The following TTN variants were observed in gnomAD, a reference collection of about 807,000 sequenced individuals.
TTN encodes the protein titin, also known as connectin.
TTN carries 1,525 observed loss-of-function variants against 3,223.0 expected under a neutral mutation model. That is an observed-to-expected ratio of 0.47 (90% CI 0.45 to 0.49). The LOEUF is 0.49. TTN is among the 20% of genes least tolerant of loss of function. TTN has a pLI of 0.00. For synonymous variants in TTN, 14,094 were observed against 15,161.0 expected, an observed-to-expected ratio of 0.93 and a Z score of 5.17; for missense variants, 40,786 against 43,424.0, an observed-to-expected ratio of 0.94 and a Z score of 5.40.
Position 178,548,484 on chromosome 2 carries a change from T to A in TTN, c.93142A>T (p.Ile31048Phe). ...DAPLLDGGAR[I>F]HHYVVEKREA... ...CGTTTCTCTACCACATAATGATGGATTCGGGCACCACCGTCAAGAAGAGGG... is the reference window on the plus strand; with the variant it reads ...CGTTTCTCTACCACATAATGATGGAATCGGGCACCACCGTCAAGAAGAGGG... Residue 31048 changes from isoleucine to phenylalanine, a missense_variant, in exon 339 of 363, where the codon ATC becomes TTC. Transcript: ENST00000589042. The surrounding 1 kb of genome is among the most constrained non-coding windows in gnomAD (Gnocchi z 4.3). 6.2e-7 allele frequency: 1 copy of A among 1,613,884 alleles called. No homozygotes were observed. The highest frequency in any genetic ancestry group is 8.5e-7 in the Non-Finnish European group (1 of 1,179,804).
intron 219 of TTN, 135 bp from the exon 220 acceptor site, chr2:178,641,450 C>T (rs1029560407): frequency 3.5e-5 from 18 of 512,492 alleles, no homozygotes; most frequent in South Asian, 6.1e-5. Context: ...GGAAAGTAAG[C>T]ATTTACACCG....
At position 178,729,586 on chromosome 2, in the gene TTN, A is replaced by G; in HGVS notation, c.18590-20T>C. 1 of 1,612,268 alleles carries G rather than the reference A, an allele frequency of 6.2e-7. No homozygotes were observed. The highest frequency in any genetic ancestry group is 1.7e-5 in the Admixed American group (1 of 59,662). On this transcript the variant is annotated intron_variant, in intron 63 of 362. Transcript: ENST00000589042. The stretch of plus-strand genomic sequence containing the variant: ...GGGGTTCTAAAGATTCAAAAGGAAG[A>G]CAGTAGCTTACTCAAGGGAAGACCC...
intron 136 of TTN, 96 bp from the exon 137 acceptor site, chr2:178,681,546 A>G (rs1211353983): frequency 2.1e-6 from 3 of 1,451,378 alleles, no homozygotes; most frequent in Non-Finnish European, 1.9e-6. Context: ...ACAACATAAT[A>G]TTCCCAAACA....
In TTN at chr2:178,593,390, T is replaced by C. The variant is rs766770134; in HGVS notation, c.58818A>G (p.Gly19606=). The change falls in exon 299 of 363, where the codon GGA becomes GGG. Residue 19606 remains glycine (G), a synonymous_variant. Transcript: ENST00000589042. ...GGATGTAGTTTGTGATGGGTTTTCC[T>C]CCATCATGTGGCTTATTCCAGGTTA... ...ALVTWNKPHD[G]GKPITNYILE... is the part of the protein sequence containing the mutation. 6 of 1,613,236 alleles carry C rather than the reference T, an allele frequency of 3.7e-6. No individual in the cohort carries two copies. The highest frequency in any genetic ancestry group is 5.1e-6 in the Non-Finnish European group (6 of 1,179,562).
At position 178,634,314 on chromosome 2, in the gene TTN, CAT is replaced by C. The variant is rs1367053898; in HGVS notation, c.42415+50_42415+51del. The C allele has an allele frequency of 1.1e-5, 18 of 1,567,754 alleles. No homozygotes were observed. Among genetic ancestry groups the C allele is most frequent in the Non-Finnish European group, 1.5e-5 (17 of 1,166,742 alleles). ...GAACTTGGCGTCCTATCTTTAAAGT[CAT>C]ATATTTGCATGCCTTTATGGGATGT... On this transcript the variant is annotated intron_variant, in intron 230 of 362. Coordinates refer to ENST00000589042, the MANE Select transcript of TTN (RefSeq NM_001267550.2). The surrounding 1 kb of genome is among the most constrained non-coding windows in gnomAD (Gnocchi z 4.6).
intron 109 of TTN, among the ~76,000 whole-genome samples, 178 bp from the exon 110 acceptor site, chr2:178,701,765 G>A (rs1172041979): frequency 6.6e-6 from 1 of 152,128 alleles, no homozygotes; most frequent in African/African-American, 2.4e-5. Flanking sequence ...GGTAAGTTTT[G>A]TTCACTGTCA....
In TTN at chr2:178,735,825, C is replaced by A; in HGVS notation, c.14621G>T (p.Gly4874Val). 6.2e-7 allele frequency: 1 copy of A among 1,613,664 alleles called. No homozygotes were observed. The highest frequency in any genetic ancestry group is 8.5e-7 in the Non-Finnish European group (1 of 1,179,788). The part of the protein sequence containing the change: ...VYSCKASNKF[G>V]ADICQAELII... ...CAACTCTGCTTGGCAGATGTCTGCTCCAAACTTGTTGGAAGCCTTACAAGA... is the reference window on the plus strand; with the variant it reads ...CAACTCTGCTTGGCAGATGTCTGCTACAAACTTGTTGGAAGCCTTACAAGA... The change falls in exon 50 of 363, where the codon GGA becomes GTA. Residue 4874 changes from glycine (G) to valine (V), a missense_variant. Gly to Val is a moderately radical substitution (Grantham distance 109). Coordinates refer to ENST00000589042, the MANE Select transcript of TTN (RefSeq NM_001267550.2).
At position 178,756,772 on chromosome 2, in the gene TTN, A is replaced by C; in HGVS notation, c.10704T>G (p.Ser3568=). 1 of 1,613,776 alleles carries C rather than the reference A, an allele frequency of 6.2e-7. No individual in the cohort carries two copies. The highest frequency in any genetic ancestry group is 8.5e-7 in the Non-Finnish European group (1 of 1,179,764). Residue 3568 remains serine (S), a synonymous_variant, in exon 46 of 363, where the codon TCT becomes TCG. Transcript: ENST00000589042. ...PKVQALDRQS[S]GKDVRESTKS... Reference sequence around the variant, plus strand: ...TGGTGGACTCTCTTACATCTTTCCCAGAACTTTGCCTATCTAGGGCTTGCA... The same window carrying C: ...TGGTGGACTCTCTTACATCTTTCCCCGAACTTTGCCTATCTAGGGCTTGCA...
chr2:178,649,757 T>C (rs2062623316), intron 211 of TTN, 60 bp downstream of exon 211: 4 of 1,570,510 alleles, frequency 2.5e-6, no homozygotes, highest in Admixed American at 1.7e-5. Flanking sequence ...CAACACACAA[T>C]AAGAAGAGTG....
In TTN at chr2:178,694,862, T is replaced by C; in HGVS notation, c.31315A>G (p.Arg10439Gly). Reference protein sequence around the residue: ...VIEKIEKTSRRMEEEKVQVTK... With the variant: ...VIEKIEKTSRGMEEEKVQVTK... Reference sequence around the variant, plus strand: ...ACTTGAACTTTTTCTTCCTCCATTCTTCGAGAAGTCTTTTCAATTTTTTCA... The same window carrying C: ...ACTTGAACTTTTTCTTCCTCCATTCCTCGAGAAGTCTTTTCAATTTTTTCA... Residue 10439 changes from arginine (R) to glycine (G), a missense_variant, in exon 116 of 363, where the codon AGA becomes GGA. Physicochemically the swap from Arg to Gly is moderately radical, Grantham distance 125. Transcript: ENST00000589042. 4 of 1,560,348 alleles carry C rather than the reference T, an allele frequency of 2.6e-6. No homozygotes were observed. The South Asian group carries it at 3.5e-5, about 14-fold the overall frequency.
In TTN at chr2:178,532,510, TGTG is replaced by T. The variant is rs1392539604; in HGVS notation, c.104102_104104del (p.Pro34701del). The T allele has an allele frequency of 6.2e-7, 1 of 1,613,846 alleles. No homozygotes were observed. Among genetic ancestry groups the T allele is most frequent in the Non-Finnish European group, 8.5e-7 (1 of 1,179,872 alleles). On this transcript the variant is annotated inframe_deletion, in exon 358 of 363. Transcript: ENST00000589042. ...GTAACGTAGGCTAGAAAGCTCAAAG[TGTG>T]GAGGGCTTCGACTTGGGGGTGAAGC...
rs773656560 is a variant in TTN, at chr2:178,569,274, T to C, written c.76858A>G (p.Ile25620Val). The C allele has an allele frequency of 2.9e-5, 46 of 1,608,318 alleles. No homozygotes were observed. Among genetic ancestry groups the C allele is most frequent in the Middle Eastern group, 3.3e-4 (2 of 6,022 alleles). The part of the protein sequence containing the change: ...VTEITKDSVS[I>V]TWEPPLLDGG... ...TCCAACAAAGGAGGTTCCCATGTAA[T>C]TGATACTGAGTCTTTGGTGATTTCT... The change falls in exon 326 of 363, where the codon ATT (isoleucine) becomes GTT (valine). Residue 25620 changes from isoleucine to valine, a missense_variant. Physicochemically the swap from Ile to Val is conservative, Grantham distance 29 (BLOSUM62 3). Coordinates refer to ENST00000589042, the MANE Select transcript of TTN (RefSeq NM_001267550.2).
chr2:178,599,621 G>C lies in TTN; in HGVS notation c.56280C>G (p.Gly18760=). The change falls in exon 289 of 363, where the codon GGC becomes GGG. Residue 18760 remains glycine, a synonymous_variant. Transcript: ENST00000589042. ...VIPQSRRSDT[G]LYTITAVNNL... ...TATTTACAGCTGTGATGGTATATAA[G>C]CCAGTGTCACTCCTGCGAGACTGCG... 1 of 1,611,746 alleles carries C rather than the reference G, an allele frequency of 6.2e-7. No homozygotes were observed. Among genetic ancestry groups the C allele is most frequent in the Non-Finnish European group, 8.5e-7 (1 of 1,178,764 alleles).
At position 178,549,733 on chromosome 2, in the gene TTN, G is replaced by A; in HGVS notation, c.91989C>T (p.Ser30663=). The A allele has an allele frequency of 5.0e-6, 8 of 1,613,720 alleles. No individual in the cohort carries two copies. Among genetic ancestry groups the A allele is most frequent in the Non-Finnish European group, 6.8e-6 (8 of 1,179,722 alleles). ...CCTCAATTAGTGCCCAGGCAAGTCT[G>A]CTGGTTTCCCGTTTTTCAATGATGT... is the stretch of plus-strand genomic sequence containing the variant. The part of the protein sequence containing the change: ...THYIIEKRET[S]RLAWALIEDK... Residue 30663 remains serine, a synonymous_variant, in exon 338 of 363, where the codon AGC becomes AGT. Transcript: ENST00000589042.
At position 178,534,841 on chromosome 2, in the gene TTN, T is replaced by C; in HGVS notation, c.101774A>G (p.Glu33925Gly). The C allele has an allele frequency of 6.2e-7, 1 of 1,609,530 alleles. No individual in the cohort carries two copies. Among genetic ancestry groups the C allele is most frequent in the Non-Finnish European group, 8.5e-7 (1 of 1,179,812 alleles). ...EIVSYVHQVCEALQFLHSHNI... is the reference protein window; with the variant it reads ...EIVSYVHQVCGALQFLHSHNI... ...ATGACTGTGTAAAAACTGAAGTGCT[T>C]CACAGACCTGGTGAACATAACTTAC... is the stretch of plus-strand genomic sequence containing the variant. The change falls in exon 358 of 363, where the codon GAA becomes GGA. Residue 33925 changes from glutamate (E) to glycine (G), a missense_variant. Transcript: ENST00000589042.
intron 10 of TTN, among the ~76,000 whole-genome samples, chr2:178,791,681 G>GTA (rs2093507721): frequency 6.6e-6 from 1 of 151,668 alleles, no homozygotes; most frequent in South Asian, 2.1e-4. Context: ...GTGTGTGTGT[G>GTA]TGTGTGTGCA....
chr2:178,683,117 T>C (rs1298040809), intron 134 of TTN, 94 bp downstream of exon 134: 3 of 997,816 alleles, frequency 3.0e-6, no homozygotes, highest in Non-Finnish European at 4.7e-6. Flanking sequence ...TAATCAACAA[T>C]AAGCTAATAA....
intron 91 of TTN, 32 bp from the exon 92 acceptor site, chr2:178,714,207 T>G: frequency 6.3e-7 from 1 of 1,592,822 alleles, no homozygotes; most frequent in Non-Finnish European, 8.5e-7. Context: ...ATCCATATTT[T>G]AAACTCAAAT....
chr2:178,785,822 T>C, intron 14 of TTN, 26 bp downstream of exon 14: 1 of 1,614,028 alleles, frequency 6.2e-7, no homozygotes, highest in Non-Finnish European at 8.5e-7. Flanking sequence ...ATGAACAAGG[T>C]GAAAAATCAG....
Sources: gnomAD v4.1 joint callset for allele counts (sites outside exome capture counted in the v4.1 genomes callset) on GRCh38, gnomAD v4.1.1 for gene constraint, Gnocchi (gnomAD v3.1) non-coding constraint, MANE v1.5 for transcripts, NCBI Gene and HGNC (gene_info 2026-07-23, HGNC 2026-07-21) for gene names.